Variants in MCPH1 observed in about 807,000 individuals in gnomAD.
MCPH1 encodes microcephalin 1.
A neutral mutation model predicts 84.5 loss-of-function variants in MCPH1; 104 were observed. The observed-to-expected ratio is 1.23, with a 90% CI of 1.05 to 1.45. The LOEUF is 1.45. MCPH1 is among the 40% of genes most tolerant of loss of function. The pLI is 0.00. For synonymous variants in MCPH1, 514 were observed against 366.8 expected, an observed-to-expected ratio of 1.40 and a Z score of -4.58; for missense variants, 1,498 against 1,005.7, an observed-to-expected ratio of 1.49 and a Z score of -6.62.
chr8:6,579,246 G>T (rs550283261), intron 12 of MCPH1, among the ~76,000 whole-genome samples: 1 of 152,172 alleles, frequency 6.6e-6, no homozygotes, highest in Non-Finnish European at 1.5e-5. Context: ...AAGTGACATC[G>T]GCAGAGTTCC....
At chr8:6,525,499 G>A (rs1818172575) in intron 12 of MCPH1, among the ~76,000 whole-genome samples, 1 of 152,228 alleles carries the variant, frequency 6.6e-6, no homozygotes, top group African/African-American at 2.4e-5. Context: ...CAAAGTGCTG[G>A]GATTATAGGC....
chr8:6,521,481 A>G (rs751054124), intron 12 of MCPH1: 8 of 1,110,840 alleles, frequency 7.2e-6, no homozygotes, highest in Non-Finnish European at 8.8e-6. Flanking sequence ...TTGAATTTCT[A>G]CTTCTCCAAG....
chr8:6,507,929 A>T (rs1371991496), intron 12 of MCPH1: 1 of 152,134 alleles, frequency 6.6e-6, no homozygotes, highest in Non-Finnish European at 1.5e-5. Flanking sequence ...TTGAACTCTC[A>T]AATGTTTCTG....
intron 12 of MCPH1, among the ~76,000 whole-genome samples, chr8:6,585,455 C>T (rs1411614692): frequency 6.6e-6 from 1 of 152,252 alleles, no homozygotes; most frequent in African/African-American, 2.4e-5. Context: ...CCGGCTTTTC[C>T]CGGGTGCACC....
At chr8:6,516,249 C>G (rs1816241846) in intron 12 of MCPH1, among the ~76,000 whole-genome samples, 1 of 152,202 alleles carries the variant, frequency 6.6e-6, no homozygotes, top group African/African-American at 2.4e-5. Context: ...ATCATTGCTA[C>G]ACACCACTCT....
intron 9 of MCPH1, chr8:6,474,276 A>G (rs1808147440): frequency 5.6e-6 from 3 of 537,028 alleles, no homozygotes; most frequent in East Asian, 3.2e-5. Context: ...ATGTATTTCA[A>G]TCCTGATTTT....
chr8:6,431,252 T>C (rs1801791975), intron 3 of MCPH1, among the ~76,000 whole-genome samples: 1 of 152,236 alleles, frequency 6.6e-6, no homozygotes, highest in African/African-American at 2.4e-5. Context: ...CAAAAATTGT[T>C]GTGTAAAAAT....
intron 9 of MCPH1, among the ~76,000 whole-genome samples, chr8:6,464,853 C>A (rs1212131469): frequency 6.6e-6 from 1 of 152,074 alleles, no homozygotes; most frequent in Non-Finnish European, 1.5e-5. Context: ...CAAAAAATTA[C>A]CTGGGTGTGG....
intron 12 of MCPH1, among the ~76,000 whole-genome samples, chr8:6,573,225 A>G (rs1826807070): frequency 6.6e-6 from 1 of 152,154 alleles, no homozygotes; most frequent in Non-Finnish European, 1.5e-5. Context: ...TGACTGAGAA[A>G]GGACTGTGGA....
At chr8:6,576,509 T>TCCCCTTCCCCTC (rs1827115118) in intron 12 of MCPH1, among the ~76,000 whole-genome samples, 1 of 146,102 alleles carries the variant, frequency 6.8e-6, no homozygotes, top group African/African-American at 2.5e-5. Context: ...CCCTTCCCCT[T>TCCCCTTCCCCTC]CCCCTTCCCC....
intron 12 of MCPH1, chr8:6,563,124 C>A: frequency 1.8e-6 from 1 of 541,192 alleles, no homozygotes; most frequent in African/African-American, 1.9e-5. Context: ...TCCAGGCATG[C>A]AGTAAACTGT....
intron 3 of MCPH1, among the ~76,000 whole-genome samples, chr8:6,429,397 AC>A (rs149365759): frequency 3.5e-4 from 53 of 151,844 alleles, no homozygotes; most frequent in African/African-American, 1.2e-3. Context: ...TGCCCTCTGC[AC>A]TTTGCCCCCT....
intron 12 of MCPH1, among the ~76,000 whole-genome samples, chr8:6,529,033 G>A (rs775866036): frequency 1.2e-4 from 19 of 152,076 alleles, no homozygotes; most frequent in Non-Finnish European, 2.4e-4. Flanking sequence ...GGAAAATTGT[G>A]TCCTGTTTAA....
chr8:6,575,186 C>T (rs1201879262), intron 12 of MCPH1, among the ~76,000 whole-genome samples: 4 of 152,200 alleles, frequency 2.6e-5, no homozygotes, highest in African/African-American at 9.7e-5. Flanking sequence ...TTGGAAGCAG[C>T]AGGAAGACCT....
chr8:6,502,988 A>G, intron 12 of MCPH1: 1 of 1,298,266 alleles, frequency 7.7e-7, no homozygotes, highest in Non-Finnish European at 1.1e-6. Context: ...GTCAGCACCG[A>G]GCACACGCCC....
intron 3 of MCPH1, among the ~76,000 whole-genome samples, chr8:6,421,566 T>G (rs528934315): frequency 7.8e-4 from 119 of 152,310 alleles, no homozygotes; most frequent in Non-Finnish European, 1.4e-3. Context: ...TTCAAATGTT[T>G]ACTATTTCAT....
At chr8:6,583,528 A>T (rs1827730966) in intron 12 of MCPH1, among the ~76,000 whole-genome samples, 1 of 152,200 alleles carries the variant, frequency 6.6e-6, no homozygotes, top group Admixed American at 6.5e-5. Context: ...TCAAGAATAC[A>T]ATAAAACAAA....
chr8:6,598,106 C>G (rs935799269), intron 12 of MCPH1, among the ~76,000 whole-genome samples: 3 of 152,140 alleles, frequency 2.0e-5, no homozygotes, highest in Admixed American at 6.5e-5. Context: ...TGAGGATGCT[C>G]CTGGACACAG....
chr8:6,611,616 AT>A (rs533944870), intron 12 of MCPH1, among the ~76,000 whole-genome samples: 1 of 109,880 alleles, frequency 9.1e-6, no homozygotes, highest in Admixed American at 9.4e-5. Context: ...TAACGTCAGG[AT>A]TTTTTTTTAT....
Sources: gnomAD v4.1 joint callset for allele counts (sites outside exome capture counted in the v4.1 genomes callset) on GRCh38, gnomAD v4.1.1 for gene constraint, MANE v1.5 for transcripts, NCBI Gene and HGNC (gene_info 2026-07-23, HGNC 2026-07-21) for gene names.